Variants in SPTSSA observed in about 807,000 individuals in gnomAD.
The protein encoded by SPTSSA is small subunit of serine palmitoyltransferase A.
SPTSSA carries 8 observed loss-of-function variants against 9.1 expected under a neutral mutation model. The observed-to-expected ratio is 0.88, with a 90% CI of 0.51 to 1.58. The LOEUF (loss-of-function observed/expected upper bound fraction) is 1.58. Ranked by LOEUF, SPTSSA falls within the 40% of genes most tolerant of loss-of-function variation. The probability of loss-of-function intolerance (pLI) is 0.00; values close to 1 mark genes in which losing one functional copy is unlikely to be tolerated. For synonymous variants in SPTSSA, 42 were observed against 37.7 expected (o/e 1.11, Z -0.41); for missense variants, 100 against 93.8 (o/e 1.07, Z -0.27).
chr14:34,457,921 G>C (rs973305602), intron 1 of SPTSSA, among the ~76,000 whole-genome samples: 2 of 140,966 alleles, frequency 1.4e-5, no homozygotes, highest in African/African-American at 5.4e-5. Flanking sequence ...GCAGTGAACC[G>C]AGATCGCACC....
In SPTSSA at chr14:34,434,224, T is replaced by C. The variant is rs1292079171; in HGVS notation, c.*977A>G. The C allele has an allele frequency of 6.6e-6, 1 of 152,510 alleles. No individual in the cohort carries two copies. The highest frequency in any genetic ancestry group is 2.4e-5 in the African/African-American group (1 of 41,414). The allele number at this position is 152,510 out of a possible 1,614,324, so 9.4% of individuals were successfully genotyped here. A position where few individuals can be genotyped will look rare whatever the true frequency, so the allele number is the denominator to read the frequency against. ...AAAAAATTAGGTAGTCATTTTACAT[T>C]TAAGGAATAAAAACCTTAAAAAAAA... On this transcript the variant is annotated 3_prime_UTR_variant, in exon 2 of 2. Coordinates refer to ENST00000298130, the MANE Select transcript of SPTSSA (RefSeq NM_138288.4).
At chr14:34,436,794 T>C (rs770836052) in intron 1 of SPTSSA, among the ~76,000 whole-genome samples, 1 of 152,204 alleles carries the variant, frequency 6.6e-6, no homozygotes, top group East Asian at 1.9e-4. Flanking sequence ...CAAGACTGCC[T>C]GACTCAAGCC....
chr14:34,452,869 G>C (rs1243445346), intron 1 of SPTSSA, among the ~76,000 whole-genome samples: 1 of 152,094 alleles, frequency 6.6e-6, no homozygotes, highest in Non-Finnish European at 1.5e-5. Flanking sequence ...CTTCATATGG[G>C]ATATTTCATC....
At chr14:34,440,781 T>A (rs1385191543) in intron 1 of SPTSSA, among the ~76,000 whole-genome samples, 4 of 151,846 alleles carry the variant, frequency 2.6e-5, no homozygotes, top group Non-Finnish European at 5.9e-5. Flanking sequence ...CTTGGGAGGC[T>A]GAGGCAGGAG....
At chr14:34,452,650 G>C (rs1190073104) in intron 1 of SPTSSA, among the ~76,000 whole-genome samples, 1 of 152,122 alleles carries the variant, frequency 6.6e-6, no homozygotes, top group Non-Finnish European at 1.5e-5. Context: ...ATGGTTTGTA[G>C]CTCTAATCCC....
At chr14:34,454,763 T>G (rs1594625451) in intron 1 of SPTSSA, among the ~76,000 whole-genome samples, 1 of 152,316 alleles carries the variant, frequency 6.6e-6, no homozygotes, top group Non-Finnish European at 1.5e-5. Flanking sequence ...ATGTATTCAC[T>G]TCTCCCACAT....
intron 1 of SPTSSA, among the ~76,000 whole-genome samples, chr14:34,453,188 C>T (rs1173313755): frequency 6.6e-6 from 1 of 152,236 alleles, no homozygotes. Flanking sequence ...AGATTTTCAA[C>T]TGCCTGCAGG....
intron 1 of SPTSSA, among the ~76,000 whole-genome samples, chr14:34,456,221 C>T (rs1304585542): frequency 1.3e-5 from 2 of 151,924 alleles, no homozygotes; most frequent in South Asian, 4.2e-4. Flanking sequence ...ACTTGGGAGG[C>T]TGAGGCAGAA....
chr14:34,441,098 G>A (rs1177614692), intron 1 of SPTSSA, among the ~76,000 whole-genome samples: 1 of 152,158 alleles, frequency 6.6e-6, no homozygotes, highest in African/African-American at 2.4e-5. Context: ...ATGGGTAACA[G>A]AGTGAGACCC....
intron 1 of SPTSSA, among the ~76,000 whole-genome samples, chr14:34,446,548 C>G (rs998851944): frequency 7.2e-5 from 11 of 152,066 alleles, no homozygotes; most frequent in African/African-American, 2.4e-4. Context: ...GGTAAGAAAC[C>G]TTAATGGTAT....
At chr14:34,448,101 A>G (rs1883454522) in intron 1 of SPTSSA, among the ~76,000 whole-genome samples, 1 of 152,118 alleles carries the variant, frequency 6.6e-6, no homozygotes, top group Non-Finnish European at 1.5e-5. Context: ...CTAAAAATAC[A>G]AAAATTAGCT....
chr14:34,443,595 GCA>G (rs1260296787), intron 1 of SPTSSA, among the ~76,000 whole-genome samples: 1 of 142,652 alleles, frequency 7.0e-6, no homozygotes, highest in Admixed American at 7.2e-5. Context: ...GAGTGCAATG[GCA>G]CAGTCTTAGC....
chr14:34,454,440 T>C (rs1883578357), intron 1 of SPTSSA, among the ~76,000 whole-genome samples: 1 of 152,246 alleles, frequency 6.6e-6, no homozygotes, highest in East Asian at 1.9e-4. Flanking sequence ...AGCACAGTTT[T>C]CATTATTTTC....
chr14:34,451,725 A>C (rs865822451), intron 1 of SPTSSA, among the ~76,000 whole-genome samples: 1,680 of 149,476 alleles, frequency 0.011, 35 homozygotes, highest in African/African-American at 0.041. Context: ...TTCAAAAAAA[A>C]AAAAAAAAAA....
At chr14:34,442,128 G>A (rs374650116) in intron 1 of SPTSSA, among the ~76,000 whole-genome samples, 177 of 152,166 alleles carry the variant, frequency 1.2e-3, no homozygotes, top group Non-Finnish European at 2.2e-3. Context: ...CCCCCGCCTC[G>A]GCCTCCCAAA....
intron 1 of SPTSSA, among the ~76,000 whole-genome samples, chr14:34,451,195 G>A (rs1883514159): frequency 6.6e-6 from 1 of 151,976 alleles, no homozygotes; most frequent in South Asian, 2.1e-4. Context: ...ACCCACTTTA[G>A]TAATCTAATC....
chr14:34,445,764 G>A (rs951992061), intron 1 of SPTSSA, among the ~76,000 whole-genome samples: 3 of 152,158 alleles, frequency 2.0e-5, no homozygotes, highest in African/African-American at 7.2e-5. Flanking sequence ...TAATACTAAT[G>A]TATATTCCAA....
chr14:34,438,191 GT>G (rs1883268447), intron 1 of SPTSSA, among the ~76,000 whole-genome samples: 1 of 151,972 alleles, frequency 6.6e-6, no homozygotes, highest in Non-Finnish European at 1.5e-5. Context: ...AATTCCCATC[GT>G]TTTGTCTTGG....
chr14:34,454,644 T>C (rs568091632), intron 1 of SPTSSA, among the ~76,000 whole-genome samples: 1 of 152,314 alleles, frequency 6.6e-6, no homozygotes, highest in Non-Finnish European at 1.5e-5. Context: ...GTTAGGATAG[T>C]TTAAGGAGAA....
Sources: allele counts gnomAD v4.1 joint callset (sites outside exome capture counted in the v4.1 genomes callset), GRCh38; gene constraint gnomAD v4.1.1; transcripts MANE v1.5; gene names NCBI Gene and HGNC (gene_info 2026-07-23, HGNC 2026-07-21).